The following CD33 variants were observed in gnomAD, a reference collection of about 807,000 sequenced individuals.
CD33 encodes CD33 molecule, also known as myeloid cell surface antigen CD33.
Under a neutral mutation model 31.4 loss-of-function variants are expected in CD33, and 25 were observed. The ratio of observed to expected loss-of-function variants is 0.80; its 90% CI spans 0.58 to 1.11. The LOEUF is 1.11. Among genes scored for constraint, CD33 ranks in the 50% most tolerant of loss-of-function variants. The pLI, the probability that CD33 is intolerant of heterozygous loss-of-function variation, is 0.00. For synonymous variants in CD33, 176 were observed against 180.6 expected (o/e 0.97, Z 0.20); for missense variants, 407 against 448.1 (o/e 0.91, Z 0.83).
At chr19:51,214,006 T>G in the CD33 span, among the ~76,000 whole-genome samples, 1 of 145,274 alleles carries the variant, frequency 6.9e-6, no homozygotes, top group Non-Finnish European at 1.5e-5. Flanking sequence ...ATTACAGGCA[T>G]GTACCACCAC....
At chr19:51,237,461 C>T (rs1032435276) in intron 6 of CD33, 2 of 152,172 alleles carry the variant, frequency 1.3e-5, no homozygotes, top group Admixed American at 6.5e-5. Flanking sequence ...AATGGGAGAA[C>T]GGATTGGACA....
At chr19:51,215,217 G>A in the CD33 span, among the ~76,000 whole-genome samples, 1 of 152,150 alleles carries the variant, frequency 6.6e-6, no homozygotes, top group Non-Finnish European at 1.5e-5. Context: ...TACCTTAAGA[G>A]CACCTAGGAC....
intron 4 of CD33, among the ~76,000 whole-genome samples, chr19:51,227,588 T>C (rs558614575): frequency 2.0e-5 from 3 of 152,332 alleles, no homozygotes; most frequent in African/African-American, 4.8e-5. Context: ...GCCATTGAGA[T>C]GTATGAGTTC....
the CD33 span, chr19:51,211,443 C>T: frequency 1.3e-6 from 2 of 1,569,648 alleles, no homozygotes; most frequent in Non-Finnish European, 1.7e-6. Flanking sequence ...GCTGATTCCG[C>T]CTCCTTGGGG....
chr19:51,216,483 T>C, the CD33 span, among the ~76,000 whole-genome samples: 1 of 151,962 alleles, frequency 6.6e-6, no homozygotes, highest in Admixed American at 6.6e-5. Flanking sequence ...GCTGAGGTAG[T>C]GGATCACCTG....
intron 3 of CD33, 35 bp from the exon 4 acceptor site, chr19:51,226,274 C>A: frequency 6.2e-7 from 1 of 1,603,314 alleles, no homozygotes; most frequent in Non-Finnish European, 8.5e-7. Context: ...TCATCTCTAC[C>A]CCCAACTGAA....
the CD33 span, among the ~76,000 whole-genome samples, chr19:51,215,539 C>A: frequency 6.6e-6 from 1 of 152,206 alleles, no homozygotes; most frequent in Admixed American, 6.5e-5. Flanking sequence ...GAAAACACTG[C>A]CATGGGCTAA....
chr19:51,231,277 CG>C (rs919807917), intron 4 of CD33, among the ~76,000 whole-genome samples: 65 of 152,320 alleles, frequency 4.3e-4, no homozygotes, highest in African/African-American at 1.6e-3. Context: ...TCCCAGAGCT[CG>C]GGGCCTTCAC....
Position 51,239,885 on chromosome 19 carries a change from C to T in CD33, c.*197C>T. The T allele has an allele frequency of 4.4e-6, 2 of 451,114 alleles. No individual in the cohort carries two copies. Among genetic ancestry groups the T allele is most frequent in the Non-Finnish European group, 7.8e-6 (2 of 256,234 alleles). The allele number at this position is 451,114 out of a possible 1,614,324, so 27.9% of individuals were successfully genotyped here. ...AATCAAATCTGTGCTCTTTCATTTG[C>T]TAAGTGTATGATGTCACACAAGCTC... On this transcript the variant is annotated 3_prime_UTR_variant, in exon 7 of 7. Transcript: ENST00000262262.
chr19:51,225,928 G>A lies in CD33; in HGVS notation c.544G>A (p.Ala182Thr), dbSNP rs776690717. The change falls in exon 3 of 7, where the codon GCT becomes ACT. Residue 182 changes from alanine (A) to threonine (T), a missense_variant. Transcript: ENST00000262262. ...GTPPIFSWLS[A>T]APTSLGPRTT... Reference sequence around the variant, plus strand: ...ACCCCCGATCTTCTCCTGGTTGTCAGCTGCCCCCACCTCCCTGGGCCCCAG... The same window carrying A: ...ACCCCCGATCTTCTCCTGGTTGTCAACTGCCCCCACCTCCCTGGGCCCCAG... 1 of 1,614,026 alleles carries A rather than the reference G, an allele frequency of 6.2e-7. No homozygotes were observed. Among genetic ancestry groups the A allele is most frequent in the South Asian group, 1.1e-5 (1 of 91,066 alleles).
intron 6 of CD33, chr19:51,237,150 C>T (rs537982944): frequency 6.6e-6 from 1 of 151,784 alleles, no homozygotes; most frequent in African/African-American, 2.4e-5. Context: ...GTGCATCCTT[C>T]AAGCTCTGAT....
At chr19:51,215,029 G>A in the CD33 span, among the ~76,000 whole-genome samples, 2 of 152,176 alleles carry the variant, frequency 1.3e-5, no homozygotes, top group South Asian at 4.2e-4. Flanking sequence ...CTTTTTTGTA[G>A]GGAAATCAAG....
chr19:51,217,416 T>G, the CD33 span, among the ~76,000 whole-genome samples: 1 of 143,720 alleles, frequency 7.0e-6, no homozygotes, highest in Non-Finnish European at 1.5e-5. Flanking sequence ...GTTGTTTTGT[T>G]TTTTTTTTTT....
the CD33 span, among the ~76,000 whole-genome samples, chr19:51,217,180 G>A: frequency 1.3e-5 from 2 of 152,154 alleles, no homozygotes; most frequent in Non-Finnish European, 2.9e-5. Context: ...GACTGGGAGA[G>A]CGCTGCTGGA....
At chr19:51,231,916 G>A (rs973293990) in intron 4 of CD33, among the ~76,000 whole-genome samples, 7 of 152,114 alleles carry the variant, frequency 4.6e-5, no homozygotes, top group African/African-American at 1.4e-4. Flanking sequence ...GTGCCACCAC[G>A]CCCAGCTAAT....
chr19:51,216,520 C>T, the CD33 span, among the ~76,000 whole-genome samples: 17 of 151,904 alleles, frequency 1.1e-4, no homozygotes, highest in African/African-American at 4.1e-4. Flanking sequence ...ACCGGCCTGA[C>T]CAACAAGGTG....
At chr19:51,211,381 T>G in the CD33 span, 1 of 1,558,520 alleles carries the variant, frequency 6.4e-7, no homozygotes, top group East Asian at 2.2e-5. Context: ...ATCCAGGGAC[T>G]CTCCAGTGGC....
intron 4 of CD33, among the ~76,000 whole-genome samples, chr19:51,233,171 G>A (rs1981540330): frequency 6.6e-6 from 1 of 152,192 alleles, no homozygotes; most frequent in Non-Finnish European, 1.5e-5. Context: ...GAAGGCGTCT[G>A]GGCACCGTAA....
At chr19:51,216,117 C>CT in the CD33 span, among the ~76,000 whole-genome samples, 1 of 152,194 alleles carries the variant, frequency 6.6e-6, no homozygotes, top group African/African-American at 2.4e-5. Context: ...CTCTATGACT[C>CT]TGAGACTTTG....
Sources: allele counts gnomAD v4.1 joint callset (sites outside exome capture counted in the v4.1 genomes callset), GRCh38; gene constraint gnomAD v4.1.1; transcripts MANE v1.5; gene names NCBI Gene and HGNC (gene_info 2026-07-23, HGNC 2026-07-21).